Variants in RIC8B observed in about 807,000 individuals in gnomAD.
RIC8B encodes RIC8 guanine nucleotide exchange factor B.
In RIC8B, 16 loss-of-function variants were observed where a neutral mutation model predicts 57.5. The ratio of observed to expected loss-of-function variants is 0.28; its 90% confidence interval spans 0.19 to 0.42. The LOEUF (loss-of-function observed/expected upper bound fraction) is 0.42, where lower values mean the gene tolerates loss of function less well. Among genes scored for constraint, RIC8B ranks in the 10% least tolerant of loss-of-function variants. The pLI, the probability that RIC8B is intolerant of heterozygous loss-of-function variation, is 1.00. For missense variants in RIC8B, 481 were observed against 677.0 expected (o/e 0.71, Z 3.21); for synonymous variants, 216 against 250.8 (o/e 0.86, Z 1.31).
intron 8 of RIC8B, among the ~76,000 whole-genome samples, chr12:106,865,779 A>T (rs1312269661): frequency 6.6e-6 from 1 of 152,124 alleles, no homozygotes; most frequent in Non-Finnish European, 1.5e-5. Context: ...CAGACTAGTC[A>T]ACTGTTCAGA....
intron 1 of RIC8B, among the ~76,000 whole-genome samples, chr12:106,781,342 C>A (rs2043754591): frequency 6.6e-6 from 1 of 152,126 alleles, no homozygotes; most frequent in Admixed American, 6.6e-5. Context: ...GCTAACAGTT[C>A]TAGAAATACA....
chr12:106,843,790 A>G, intron 5 of RIC8B, 62 bp from the exon 6 acceptor site: 1 of 1,228,220 alleles, frequency 8.1e-7, no homozygotes. Flanking sequence ...ACATGAAGGA[A>G]AGTAATACTG....
At position 106,886,700 on chromosome 12, in the gene RIC8B, A is replaced by C. The variant is rs965325570; in HGVS notation, c.*685A>C. ...GCTACAAATGCCTATTTATTCCCTAATGTACCTGAACACTAGTACCATAGA... is the reference window on the plus strand; with the variant it reads ...GCTACAAATGCCTATTTATTCCCTACTGTACCTGAACACTAGTACCATAGA... On this transcript the variant is annotated 3_prime_UTR_variant, in exon 10 of 10. Coordinates refer to ENST00000392837, the MANE Select transcript of RIC8B (RefSeq NM_001330145.2). The C allele has an allele frequency of 2.0e-5, 3 of 152,604 alleles. No individual in the cohort carries two copies. Among genetic ancestry groups the C allele is most frequent in the Non-Finnish European group, 4.4e-5 (3 of 68,054 alleles). 9.5% of individuals were successfully genotyped at this position (152,604 alleles called of 1,614,324 possible). A position where few individuals can be genotyped will look rare whatever the true frequency, so the allele number is the denominator to read the frequency against.
At chr12:106,778,579 A>T (rs534585432) in intron 1 of RIC8B, among the ~76,000 whole-genome samples, 3 of 152,122 alleles carry the variant, frequency 2.0e-5, no homozygotes, top group Non-Finnish European at 4.4e-5. Flanking sequence ...AATTCCTCTT[A>T]TATTAATCCT....
intron 8 of RIC8B, 26 bp from the exon 9 acceptor site, chr12:106,870,797 A>T: frequency 6.8e-7 from 1 of 1,474,048 alleles, no homozygotes; most frequent in African/African-American, 1.4e-5. Context: ...TAAAACATAC[A>T]GCATAACTTT....
chr12:106,781,930 G>C (rs1488581325), intron 1 of RIC8B, among the ~76,000 whole-genome samples: 1 of 152,050 alleles, frequency 6.6e-6, no homozygotes, highest in East Asian at 1.9e-4. Flanking sequence ...GCACTTTTAA[G>C]TCTAATGTTA....
intron 8 of RIC8B, 55 bp from the exon 9 acceptor site, chr12:106,870,768 T>G (rs1950368253): frequency 7.3e-7 from 1 of 1,373,290 alleles, no homozygotes; most frequent in Non-Finnish European, 9.6e-7. Context: ...ACCAGAAAAG[T>G]ATAGAAAGAG....
intron 8 of RIC8B, among the ~76,000 whole-genome samples, chr12:106,870,015 G>GA (rs1201911789): frequency 1.3e-5 from 2 of 150,022 alleles, no homozygotes. Context: ...TGCTTCTCCA[G>GA]AAAAATGTTT....
intron 2 of RIC8B, among the ~76,000 whole-genome samples, chr12:106,790,427 T>A (rs540937802): frequency 6.6e-6 from 1 of 152,358 alleles, no homozygotes; most frequent in African/African-American, 2.4e-5. Flanking sequence ...TTTGTGCATA[T>A]AATGCAAATA....
chr12:106,873,168 A>C, intron 9 of RIC8B: 2 of 985,458 alleles, frequency 2.0e-6, no homozygotes, highest in Non-Finnish European at 2.4e-6. Context: ...CAGATGCCCA[A>C]CTGAAGGTGA....
At chr12:106,776,968 C>A (rs137943379) in intron 1 of RIC8B, among the ~76,000 whole-genome samples, 4 of 152,150 alleles carry the variant, frequency 2.6e-5, no homozygotes, top group Admixed American at 6.5e-5. Flanking sequence ...TCTCCTCCCC[C>A]CCACCGACCC....
At chr12:106,869,024 G>A (rs774811771) in intron 8 of RIC8B, among the ~76,000 whole-genome samples, 3 of 152,030 alleles carry the variant, frequency 2.0e-5, no homozygotes, top group Non-Finnish European at 4.4e-5. Context: ...CAAGTGGGTA[G>A]GGGACAAATA....
At chr12:106,810,781 T>C (rs2045301021) in intron 2 of RIC8B, among the ~76,000 whole-genome samples, 1 of 152,182 alleles carries the variant, frequency 6.6e-6, no homozygotes, top group African/African-American at 2.4e-5. Context: ...ACTGAGGACT[T>C]TGACATTTTA....
intron 6 of RIC8B, 63 bp from the exon 7 acceptor site, chr12:106,851,387 T>C (rs988298359): frequency 6.8e-7 from 1 of 1,473,736 alleles, no homozygotes; most frequent in Admixed American, 1.8e-5. Flanking sequence ...CCAGTTGCAT[T>C]GTACCATCCT....
At chr12:106,779,469 T>A (rs2043648785) in intron 1 of RIC8B, among the ~76,000 whole-genome samples, 1 of 151,992 alleles carries the variant, frequency 6.6e-6, no homozygotes, top group South Asian at 2.1e-4. Context: ...TGACCTCAAG[T>A]GATCCACTCA....
chr12:106,837,647 T>G (rs988434441), intron 4 of RIC8B, among the ~76,000 whole-genome samples: 3 of 148,242 alleles, frequency 2.0e-5, no homozygotes, highest in South Asian at 4.3e-4. Flanking sequence ...TTGTTTTTTT[T>G]TTTTTTTTTT....
intron 9 of RIC8B, among the ~76,000 whole-genome samples, chr12:106,877,357 T>G (rs1458911515): frequency 6.6e-6 from 1 of 152,136 alleles, no homozygotes; most frequent in African/African-American, 2.4e-5. Flanking sequence ...TCTCAAAAGT[T>G]GTCTGATTAT....
rs1468121413 is a variant in RIC8B at position 106,886,922 on chromosome 12, A to AT, written c.*911dup. 1 of 152,384 alleles carries AT rather than the reference A, an allele frequency of 6.6e-6. No homozygotes were observed. The highest frequency in any genetic ancestry group is 1.5e-5 in the Non-Finnish European group (1 of 68,002). The allele number at this position is 152,384 out of a possible 1,614,324, so 9.4% of individuals were successfully genotyped here. On this transcript the variant is annotated 3_prime_UTR_variant, in exon 10 of 10. Coordinates refer to ENST00000392837, the MANE Select transcript of RIC8B (RefSeq NM_001330145.2). ...TACATATAGGTCATTCATACATCAC[A>AT]TTTTAAATTGGGGACTGTGTGTGCT...
At chr12:106,820,546 A>G (rs1001644889) in intron 3 of RIC8B, among the ~76,000 whole-genome samples, 1 of 152,212 alleles carries the variant, frequency 6.6e-6, no homozygotes, top group Non-Finnish European at 1.5e-5. Flanking sequence ...TAGGGACTGT[A>G]AGGGGTCCCT....
Sources: gnomAD v4.1 joint callset for allele counts (sites outside exome capture counted in the v4.1 genomes callset) on GRCh38, gnomAD v4.1.1 for gene constraint, MANE v1.5 for transcripts, NCBI Gene and HGNC (gene_info 2026-07-23, HGNC 2026-07-21) for gene names.